COL22A1: variants seen among roughly 807,000 people sequenced by gnomAD.
COL22A1 encodes the protein collagen alpha-1(XXII) chain.
In COL22A1, 221 loss-of-function variants were observed where a neutral mutation model predicts 248.9. That is an observed-to-expected ratio of 0.89 (90% CI 0.80 to 0.99). The LOEUF (loss-of-function observed/expected upper bound fraction) is 0.99. Among genes scored for constraint, COL22A1 ranks in the 50% least tolerant of loss-of-function variants. The pLI is 0.00. For synonymous variants in COL22A1, 891 were observed against 793.4 expected (o/e 1.12, Z -2.07); for missense variants, 2,240 against 2,179.0 (o/e 1.03, Z -0.56).
intron 20 of COL22A1, 121 bp downstream of exon 20, chr8:138,755,361 G>C: frequency 7.8e-7 from 1 of 1,289,034 alleles, no homozygotes; most frequent in Non-Finnish European, 1.1e-6. Flanking sequence ...TGCATTTCTG[G>C]CAGAAAGGCA....
intron 3 of COL22A1, among the ~76,000 whole-genome samples, chr8:138,852,294 G>A (rs1227926605): frequency 6.6e-6 from 1 of 152,108 alleles, no homozygotes. Flanking sequence ...GGGGGGAAGG[G>A]ATGATGGTGA....
chr8:138,630,332 T>C (rs1820600395), intron 50 of COL22A1, among the ~76,000 whole-genome samples: 1 of 152,198 alleles, frequency 6.6e-6, no homozygotes, highest in African/African-American at 2.4e-5. Context: ...TAGTCCTAGG[T>C]GAGTTAGCAC....
intron 2 of COL22A1, among the ~76,000 whole-genome samples, chr8:138,881,748 C>A (rs930599271): frequency 6.6e-6 from 1 of 152,184 alleles, no homozygotes; most frequent in African/African-American, 2.4e-5. Context: ...CTTCCTGAAT[C>A]CAGTGACAGG....
At position 138,601,974 on chromosome 8, in the gene COL22A1, A is replaced by C. The variant is rs77346513; in HGVS notation, c.4185+141T>G. The stretch of plus-strand genomic sequence containing the variant: ...GTGGGGCTGGTGATCATCCAGGAAA[A>C]AGTGAACAAAATCACTACAGGCGGC... On this transcript the variant is annotated intron_variant, in intron 60 of 64. Transcript: ENST00000303045. The C allele has an allele frequency of 5.0e-3, 3,916 of 790,798 alleles. 114 individuals are homozygous for C. The African/African-American group carries it at 0.058, about 12-fold the overall frequency. The allele number at this position is 790,798 out of a possible 1,614,324, so 49.0% of individuals were successfully genotyped here. A position where few individuals can be genotyped will look rare whatever the true frequency, so the allele number is the denominator to read the frequency against.
At chr8:138,716,993 C>A in intron 27 of COL22A1, 124 bp from the exon 28 acceptor site, 2 of 772,072 alleles carry the variant, frequency 2.6e-6, no homozygotes, top group Admixed American at 1.9e-5. Flanking sequence ...TTCAAATATA[C>A]GGCATGGTTA....
At chr8:138,847,621 G>A (rs984986613) in intron 3 of COL22A1, among the ~76,000 whole-genome samples, 2 of 152,140 alleles carry the variant, frequency 1.3e-5, no homozygotes, top group African/African-American at 4.8e-5. Flanking sequence ...ATAAAGGAAA[G>A]GATTGCTTAA....
rs115994930 is a variant in COL22A1 at position 138,756,662 on chromosome 8, C to T, written c.1903-833G>A. On this transcript the variant is annotated intron_variant, in intron 18 of 64. Transcript: ENST00000303045. ...AGCTAGTAAATGAATAAATGAATCA[C>T]CAATTAAAGCTGAAGGCATCTATTA... is the stretch of plus-strand genomic sequence containing the variant. Among the ~76,000 whole-genome samples the T allele has an allele frequency of 2.0e-3, 303 of 152,214 alleles. 1 individual carries two copies. Among genetic ancestry groups the T allele is most frequent in the African/African-American group, 7.0e-3 (290 of 41,520 alleles).
intron 23 of COL22A1, among the ~76,000 whole-genome samples, chr8:138,733,650 C>T (rs1830875527): frequency 6.6e-6 from 1 of 152,200 alleles, no homozygotes; most frequent in Non-Finnish European, 1.5e-5. Context: ...TTTTCCAGGT[C>T]AGTGTCAAGA....
At chr8:138,879,922 C>T (rs1208951154) in intron 2 of COL22A1, among the ~76,000 whole-genome samples, 2 of 152,044 alleles carry the variant, frequency 1.3e-5, no homozygotes, top group East Asian at 1.9e-4. Flanking sequence ...GCTGGGTGCA[C>T]GAGAGTTGGA....
At chr8:138,805,112 T>TGA (rs1458693333) in intron 10 of COL22A1, among the ~76,000 whole-genome samples, 2 of 137,016 alleles carry the variant, frequency 1.5e-5, no homozygotes, top group Non-Finnish European at 3.1e-5. Context: ...GGTGTGTGTG[T>TGA]GATGGTGTAT....
At chr8:138,756,169 T>C (rs1053622001) in intron 18 of COL22A1, among the ~76,000 whole-genome samples, 3 of 152,210 alleles carry the variant, frequency 2.0e-5, no homozygotes, top group Non-Finnish European at 4.4e-5. Flanking sequence ...ATTGAGCCCC[T>C]GCCTGCGCCA....
intron 3 of COL22A1, among the ~76,000 whole-genome samples, chr8:138,847,026 AG>A (rs766016166): frequency 1.6e-4 from 24 of 152,156 alleles, no homozygotes; most frequent in Non-Finnish European, 2.4e-4. Flanking sequence ...GAACAACCCC[AG>A]GGGCTTGTTT....
intron 1 of COL22A1, among the ~76,000 whole-genome samples, chr8:138,889,179 A>G (rs933416824): frequency 8.5e-5 from 13 of 152,144 alleles, no homozygotes; most frequent in Non-Finnish European, 1.8e-4. Flanking sequence ...TGGTGAAAGA[A>G]GGGACTGGGG....
intron 16 of COL22A1, among the ~76,000 whole-genome samples, chr8:138,768,486 T>C (rs1834089297): frequency 1.3e-5 from 2 of 152,244 alleles, no homozygotes; most frequent in African/African-American, 2.4e-5. Flanking sequence ...TCCTCTTTCC[T>C]GTGCTTTGAC....
chr8:138,848,078 C>G (rs1050875438), intron 3 of COL22A1, among the ~76,000 whole-genome samples: 2 of 152,168 alleles, frequency 1.3e-5, no homozygotes, highest in Non-Finnish European at 2.9e-5. Context: ...CCTTCAGGAG[C>G]AGCATAAGAA....
chr8:138,833,203 A>G lies in COL22A1; in HGVS notation c.734-53T>C, dbSNP rs551188513. The G allele has an allele frequency of 1.5e-4, 197 of 1,308,548 alleles. 1 individual carries two copies. The Admixed American group carries it at 3.3e-3, about 22-fold the overall frequency. The allele number at this position is 1,308,548 out of a possible 1,614,324, so 81.1% of individuals were successfully genotyped here. A position where few individuals can be genotyped will look rare whatever the true frequency, so the allele number is the denominator to read the frequency against. On this transcript the variant is annotated intron_variant, in intron 4 of 64. Transcript: ENST00000303045. ...GTTTGGAGAAGGAAGAGTATAAGAG[A>G]CAAAGGAAAATCACATCCGCTGTCT...
intron 41 of COL22A1, among the ~76,000 whole-genome samples, chr8:138,670,488 G>A (rs1824921867): frequency 1.3e-5 from 2 of 152,140 alleles, no homozygotes; most frequent in Non-Finnish European, 1.5e-5. Context: ...AGACAAGATG[G>A]GGGTACTCAC....
chr8:138,720,225 T>C (rs1829763713), intron 27 of COL22A1, among the ~76,000 whole-genome samples: 1 of 152,184 alleles, frequency 6.6e-6, no homozygotes, highest in Non-Finnish European at 1.5e-5. Context: ...CCGAGAAGGC[T>C]GAACTCTACG....
In COL22A1 at chr8:138,902,739, T is replaced by TATATATACACAC. The variant is rs763466994; in HGVS notation, c.-73+10879_-73+10880insGTGTGTATATAT. Among the ~76,000 whole-genome samples, 893 of 93,858 alleles carry TATATATACACAC rather than the reference T, an allele frequency of 9.5e-3. 5 individuals carry two copies. Among genetic ancestry groups the TATATATACACAC allele is most frequent in the East Asian group, 0.022 (73 of 3,358 alleles). The allele number at this position is 93,858 out of a possible 152,430, so 61.6% of individuals were successfully genotyped here. On this transcript the variant is annotated intron_variant, in intron 1 of 64. Transcript: ENST00000303045. ...AAAAATTTATAAATATATATATATA[T>TATATATACACAC]ACACACACACACACACACACACACA... is the stretch of plus-strand genomic sequence containing the variant.
Sources: gnomAD v4.1 joint callset for allele counts (sites outside exome capture counted in the v4.1 genomes callset) on GRCh38, gnomAD v4.1.1 for gene constraint, MANE v1.5 for transcripts, NCBI Gene and HGNC (gene_info 2026-07-23, HGNC 2026-07-21) for gene names.